Variants in EYS observed in about 807,000 individuals in gnomAD.
EYS encodes EGF-like photoreceptor maintenance factor.
EYS carries 250 observed loss-of-function variants against 282.1 expected under a neutral mutation model. The observed-to-expected ratio is 0.89, with a 90% CI of 0.80 to 0.98. The LOEUF (loss-of-function observed/expected upper bound fraction) is 0.98. Ranked by LOEUF, EYS falls within the 50% of genes least tolerant of loss-of-function variation. The probability of loss-of-function intolerance (pLI) is 0.00; values close to 1 mark genes in which losing one functional copy is unlikely to be tolerated. For synonymous variants in EYS, 1,355 were observed against 1,282.9 expected (o/e 1.06, Z -1.20); for missense variants, 4,016 against 3,709.0 (o/e 1.08, Z -2.15).
chr6:64,997,690 A>G lies in EYS; in HGVS notation c.2151T>C (p.Phe717=). ...CATAGCCTGGATTGCATAAGCAGGA[A>G]AAGCCATCAACCACTGGAAACAACA... ...CVPPFKVVDG[F]SCLCNPGYVG... Residue 717 remains phenylalanine (F), a synonymous_variant, in exon 14 of 43, where the codon TTT becomes TTC. Transcript: ENST00000503581. 1 of 1,551,014 alleles carries G rather than the reference A, an allele frequency of 6.4e-7. No homozygotes were observed. The highest frequency in any genetic ancestry group is 8.7e-7 in the Non-Finnish European group (1 of 1,146,482).
intron 2 of EYS, among the ~76,000 whole-genome samples, chr6:65,614,967 A>G (rs893252922): frequency 6.6e-6 from 1 of 152,116 alleles, no homozygotes; most frequent in Non-Finnish European, 1.5e-5. Flanking sequence ...GATGAGAGGT[A>G]TGTTCTCATT....
At chr6:64,531,386 G>GT (rs1289355755) in intron 26 of EYS, among the ~76,000 whole-genome samples, 12 of 52,518 alleles carry the variant, frequency 2.3e-4, no homozygotes, top group African/African-American at 9.4e-4. Flanking sequence ...ATTGAGTTTT[G>GT]TTTTTTGTTT....
intron 33 of EYS, among the ~76,000 whole-genome samples, chr6:64,022,370 T>C (rs926166984): frequency 6.6e-6 from 1 of 152,222 alleles, no homozygotes; most frequent in Non-Finnish European, 1.5e-5. Flanking sequence ...TCATGGGAGA[T>C]ATTTTTTTTC....
At position 64,822,798 on chromosome 6, in the gene EYS, T is replaced by G. The variant is rs1413311216; in HGVS notation, c.3017A>C (p.Asp1006Ala). Residue 1006 changes from aspartate to alanine, a missense_variant, in exon 20 of 43, where the codon GAT becomes GCT. Transcript: ENST00000503581. ...GAGACAGGGCTCTGATAGGCATTCA[T>G]CTAGATTTATTTCACAGTTGATGCC... is the stretch of plus-strand genomic sequence containing the variant. ...YTGINCEINL[D>A]ECLSEPCLHD... 6.5e-7 allele frequency: 1 copy of G among 1,549,656 alleles called. No individual in the cohort carries two copies. Among genetic ancestry groups the G allele is most frequent in the Admixed American group, 2.0e-5 (1 of 50,872 alleles).
At chr6:64,781,956 T>C (rs1773875986) in intron 22 of EYS, among the ~76,000 whole-genome samples, 1 of 152,194 alleles carries the variant, frequency 6.6e-6, no homozygotes, top group Non-Finnish European at 1.5e-5. Flanking sequence ...GGATATGAAA[T>C]TGATTATATC....
chr6:65,280,421 A>G (rs73741287), intron 12 of EYS, among the ~76,000 whole-genome samples: 12,412 of 152,228 alleles, frequency 0.082, 653 homozygotes, highest in African/African-American at 0.14. Flanking sequence ...AAGATATAAT[A>G]GCTAATTAGA....
chr6:64,394,473 G>A (rs193267365), intron 28 of EYS, among the ~76,000 whole-genome samples: 10 of 152,114 alleles, frequency 6.6e-5, no homozygotes, highest in Non-Finnish European at 1.0e-4. Flanking sequence ...CCGAAATAAC[G>A]CCGCATATCT....
intron 22 of EYS, among the ~76,000 whole-genome samples, chr6:64,641,578 G>A (rs1372776095): frequency 1.3e-5 from 2 of 152,058 alleles, no homozygotes; most frequent in Non-Finnish European, 1.5e-5. Flanking sequence ...ATTGTGGTTG[G>A]GGGTGAATTT....
chr6:64,968,407 A>G (rs1407230496), intron 14 of EYS, among the ~76,000 whole-genome samples: 1 of 152,170 alleles, frequency 6.6e-6, no homozygotes, highest in Admixed American at 6.5e-5. Context: ...TATTCTTTCA[A>G]AATATATTTA....
At chr6:64,931,585 A>G (rs868758546) in intron 15 of EYS, among the ~76,000 whole-genome samples, 68 of 152,252 alleles carry the variant, frequency 4.5e-4, no homozygotes, top group African/African-American at 1.4e-3. Flanking sequence ...AAGATTCATC[A>G]TTTATAAGAT....
Position 63,800,873 on chromosome 6 carries a change from A to G in EYS, c.7411+5317T>C, listed in dbSNP as rs142519714. Among the ~76,000 whole-genome samples the G allele has an allele frequency of 2.0e-5, 3 of 152,356 alleles. No individual in the cohort carries two copies. In the East Asian group the frequency reaches 5.8e-4, roughly 29 times the overall value. On this transcript the variant is annotated intron_variant, in intron 37 of 42. Coordinates refer to ENST00000503581, the MANE Select transcript of EYS (RefSeq NM_001142800.2). ...AGAATGATCTTTTGAGTTGAGACTT[A>G]AAGGGCAGTGTTTTGGAGGCATGCC...
chr6:64,729,465 A>G (rs184009317), intron 22 of EYS, among the ~76,000 whole-genome samples: 6 of 152,272 alleles, frequency 3.9e-5, no homozygotes, highest in African/African-American at 1.2e-4. Context: ...GGTCTCCTGC[A>G]CTTTGATCTT....
At chr6:64,991,658 A>G (rs1771069057) in intron 14 of EYS, among the ~76,000 whole-genome samples, 1 of 151,632 alleles carries the variant, frequency 6.6e-6, no homozygotes, top group Non-Finnish European at 1.5e-5. Context: ...ACCATATATT[A>G]TTATCTCTCC....
intron 19 of EYS, among the ~76,000 whole-genome samples, chr6:64,864,021 G>A (rs4279418): frequency 0.71 from 107,356 of 151,602 alleles, 38,448 homozygotes; most frequent in Admixed American, 0.76. Context: ...CAATGTGACA[G>A]TCATCTCATG....
intron 14 of EYS, among the ~76,000 whole-genome samples, chr6:64,986,589 GT>G (rs1770868579): frequency 6.6e-6 from 1 of 150,528 alleles, no homozygotes; most frequent in Admixed American, 6.7e-5. Context: ...ACTATGGTTT[GT>G]TTTTACTTTT....
chr6:64,823,093 A>C (rs1764948840), intron 19 of EYS, among the ~76,000 whole-genome samples: 1 of 151,976 alleles, frequency 6.6e-6, no homozygotes, highest in African/African-American at 2.4e-5. Flanking sequence ...TGAGAATATT[A>C]GTGAAGTAAT....
chr6:65,531,859 A>G lies in EYS; in HGVS notation c.-332-35866T>C, dbSNP rs1016922085. On this transcript the variant is annotated intron_variant, in intron 2 of 42. Transcript: ENST00000503581. ...ATTAACCTTTTGTTTCATCGGTAATATATAGAACATCTTGATTTTTAAAAC... is the reference window on the plus strand; with the variant it reads ...ATTAACCTTTTGTTTCATCGGTAATGTATAGAACATCTTGATTTTTAAAAC... Among the ~76,000 whole-genome samples the G allele has an allele frequency of 3.9e-5, 6 of 152,316 alleles. No individual in the cohort carries two copies. The East Asian group carries it at 1.2e-3, about 29-fold the overall frequency.
chr6:63,780,267 A>G (rs1051586014), intron 39 of EYS, among the ~76,000 whole-genome samples: 2 of 152,200 alleles, frequency 1.3e-5, no homozygotes, highest in Admixed American at 1.3e-4. Flanking sequence ...ATGCCCAGTA[A>G]TGGGATCGCT....
At chr6:64,299,117 C>T (rs1011605561) in intron 30 of EYS, among the ~76,000 whole-genome samples, 6 of 152,184 alleles carry the variant, frequency 3.9e-5, no homozygotes, top group Admixed American at 6.5e-5. Context: ...CAGCCTAATC[C>T]TCTTACCCTG....
Sources: allele counts gnomAD v4.1 joint callset (sites outside exome capture counted in the v4.1 genomes callset), GRCh38; gene constraint gnomAD v4.1.1; transcripts MANE v1.5; gene names NCBI Gene and HGNC (gene_info 2026-07-23, HGNC 2026-07-21).